Variants in ADPRHL1 observed in about 807,000 individuals in gnomAD.
The protein encoded by ADPRHL1 is inactive ADP-ribosyltransferase ARH2.
Under a neutral mutation model 44.1 loss-of-function variants are expected in ADPRHL1, and 43 were observed. That is an observed-to-expected ratio of 0.98 (90% confidence interval 0.76 to 1.26). The LOEUF is 1.26. Among genes scored for constraint, ADPRHL1 ranks in the 50% most tolerant of loss-of-function variants. The pLI, the probability that ADPRHL1 is intolerant of heterozygous loss-of-function variation, is 0.00. For synonymous variants in ADPRHL1, 878 were observed against 1,017.4 expected, an observed-to-expected ratio of 0.86 and a Z score of 2.61; for missense variants, 2,022 against 2,496.9, an observed-to-expected ratio of 0.81 and a Z score of 4.05.
At position 113,405,984 on chromosome 13, in the gene ADPRHL1, A is replaced by C. The variant is rs539114127; in HGVS notation, c.3298T>G (p.Leu1100Val). Residue 1100 changes from leucine to valine, a missense_variant, in exon 8 of 8, where the codon TTA becomes GTA. This residue lies in a region of ADPRHL1 where 1,221 missense variants were observed against 1,517.8 expected (regional missense o/e 0.80). Coordinates refer to ENST00000612156, the MANE Select transcript of ADPRHL1 (RefSeq NM_001394807.1). The stretch of plus-strand genomic sequence containing the variant: ...ATACCTGGTTTGGGTGGTTCATTTA[A>C]TGAGGACAGTGGGTTCTCGCGAACA... ...HDVRENPLSS[L>V]NEPPKPGMKA... The C allele has an allele frequency of 6.6e-4, 817 of 1,232,074 alleles. 6 individuals are homozygous for C. In the Middle Eastern group the frequency reaches 8.7e-3, roughly 13 times the overall value. The allele number at this position is 1,232,074 out of a possible 1,614,324, so 76.3% of individuals were successfully genotyped here. A position where few individuals can be genotyped will look rare whatever the true frequency, so the allele number is the denominator to read the frequency against.
chr13:113,406,141 C>T lies in ADPRHL1; in HGVS notation c.3141G>A (p.Lys1047=). ...TGACACCCTCAGGCCCCGTACGCCCCTTGGATGATGCCGCCAGTGACGTGG... is the reference window on the plus strand; with the variant it reads ...TGACACCCTCAGGCCCCGTACGCCCTTTGGATGATGCCGCCAGTGACGTGG... ...GAPTSLAASS[K]GRTGPEGVTP... The change falls in exon 8 of 8, where the codon AAG becomes AAA. Residue 1047 remains lysine (K), a synonymous_variant. Coordinates refer to ENST00000612156, the MANE Select transcript of ADPRHL1 (RefSeq NM_001394807.1). The T allele has an allele frequency of 1.6e-6, 2 of 1,232,150 alleles. No individual in the cohort carries two copies. The highest frequency in any genetic ancestry group is 2.0e-6 in the Non-Finnish European group (2 of 987,990). The allele number at this position is 1,232,150 out of a possible 1,614,324, so 76.3% of individuals were successfully genotyped here. A position where few individuals can be genotyped will look rare whatever the true frequency, so the allele number is the denominator to read the frequency against.
rs370454450 is a variant in ADPRHL1, at chr13:113,445,929, A to G, written c.215-1340T>C. Reference sequence around the variant, plus strand: ...ACCATGGCTGCAAACCCCTGGAGAGAGCACGCACGTGTAGGGACCATGGCT... The same window carrying G: ...ACCATGGCTGCAAACCCCTGGAGAGGGCACGCACGTGTAGGGACCATGGCT... On this transcript the variant is annotated intron_variant, in intron 1 of 7. Coordinates refer to ENST00000612156, the MANE Select transcript of ADPRHL1 (RefSeq NM_001394807.1). 1.4e-4 allele frequency among the ~76,000 whole-genome samples: 21 copies of G among 148,538 alleles called. No homozygotes were observed. The East Asian group carries it at 4.2e-3, about 30-fold the overall frequency.
At chr13:113,437,334 G>C (rs1324234264) in intron 2 of ADPRHL1, among the ~76,000 whole-genome samples, 1 of 141,648 alleles carries the variant, frequency 7.1e-6, no homozygotes, top group African/African-American at 2.6e-5. Flanking sequence ...CAGCACCCAG[G>C]TGTAGAGTGA....
In ADPRHL1 at chr13:113,402,392, C is replaced by T. The variant is rs1273904252; in HGVS notation, c.*986G>A. On this transcript the variant is annotated 3_prime_UTR_variant, in exon 8 of 8. Transcript: ENST00000612156. Reference sequence around the variant, plus strand: ...ATGTGACCACAGGTGGCTTTGATTTCCTTCTTGTGCCTCTAGACAGCATTC... The same window carrying T: ...ATGTGACCACAGGTGGCTTTGATTTTCTTCTTGTGCCTCTAGACAGCATTC... 6.6e-6 allele frequency: 1 copy of T among 152,282 alleles called. No homozygotes were observed. Among genetic ancestry groups the T allele is most frequent in the Non-Finnish European group, 1.5e-5 (1 of 68,066 alleles). The allele number at this position is 152,282 out of a possible 1,614,324, so 9.4% of individuals were successfully genotyped here.
chr13:113,422,565 G>A (rs985872614), intron 7 of ADPRHL1: 16 of 501,002 alleles, frequency 3.2e-5, no homozygotes, highest in East Asian at 2.8e-4. Flanking sequence ...TGAGTGCCAC[G>A]CATGGAGGTC....
chr13:113,407,109 A>T lies in ADPRHL1; in HGVS notation c.2173T>A (p.Ser725Thr). ...GVLPGLVPAS[S>T]PLGPASPWGT... The stretch of plus-strand genomic sequence containing the variant: ...CAAGGGCTGGCCGGTCCCAGTGGGG[A>T]TGATGCAGGCACAAGGCCAGGAAGG... The change falls in exon 8 of 8, where the codon TCC becomes ACC. Residue 725 changes from serine (S) to threonine (T), a missense_variant. Coordinates refer to ENST00000612156, the MANE Select transcript of ADPRHL1 (RefSeq NM_001394807.1). 8.1e-7 allele frequency: 1 copy of T among 1,232,168 alleles called. No homozygotes were observed. Among genetic ancestry groups the T allele is most frequent in the Non-Finnish European group, 1.0e-6 (1 of 988,066 alleles). The allele number at this position is 1,232,168 out of a possible 1,614,324, so 76.3% of individuals were successfully genotyped here. A position where few individuals can be genotyped will look rare whatever the true frequency, so the allele number is the denominator to read the frequency against.
intron 7 of ADPRHL1, among the ~76,000 whole-genome samples, chr13:113,419,609 G>C (rs961761340): frequency 1.3e-5 from 2 of 152,246 alleles, no homozygotes; most frequent in East Asian, 3.9e-4. Flanking sequence ...AGCAACACTG[G>C]AAGTCGCCAT....
Position 113,406,541 on chromosome 13 carries a change from G to T in ADPRHL1, c.2741C>A (p.Ala914Asp). The T allele has an allele frequency of 8.1e-7, 1 of 1,232,042 alleles. No homozygotes were observed. The highest frequency in any genetic ancestry group is 3.1e-4 in the Middle Eastern group (1 of 3,208). 76.3% of individuals were successfully genotyped at this position (1,232,042 alleles called of 1,614,324 possible). ...TGCCCGTGGCCCCTGCGGCGAAGAG[G>T]CGCTGAGTCCCGCCTGCATCCCTGA... ...KLSGMQAGLS[A>D]SSPQGPRAAP... is the part of the protein sequence containing the mutation. The change falls in exon 8 of 8, where the codon GCC (alanine) becomes GAC (aspartate). Residue 914 changes from alanine (A) to aspartate (D), a missense_variant. By Grantham distance (126) the Ala-to-Asp change is moderately radical. This residue lies in a region of ADPRHL1 where 1,221 missense variants were observed against 1,517.8 expected (regional missense o/e 0.80). Transcript: ENST00000612156.
intron 7 of ADPRHL1, among the ~76,000 whole-genome samples, chr13:113,414,525 A>AG (rs2043877565): frequency 6.6e-6 from 1 of 151,386 alleles, no homozygotes; most frequent in Non-Finnish European, 1.5e-5. Flanking sequence ...AGGGCACTAC[A>AG]GGCCTGTCTG....
rs550146408 is a variant in ADPRHL1, at chr13:113,407,348, G to A, written c.1934C>T (p.Ala645Val). 1.2e-5 allele frequency: 15 copies of A among 1,231,898 alleles called. No individual in the cohort carries two copies. In the African/African-American group the frequency reaches 2.0e-4, roughly 17 times the overall value. 76.3% of individuals were successfully genotyped at this position (1,231,898 alleles called of 1,614,324 possible). ...SHCTKISHSE[A>V]RRPPRGEASV... is the part of the protein sequence containing the mutation. ...GGCTTCTCCTCTGGGTGGACGCCTT[G>A]CCTCCGAGTGGCTGATTTTGGTGCA... The change falls in exon 8 of 8, where the codon GCA becomes GTA. Residue 645 changes from alanine to valine, a missense_variant. Transcript: ENST00000612156.
At chr13:113,413,572 C>G (rs2043871202) in intron 7 of ADPRHL1, among the ~76,000 whole-genome samples, 1 of 152,238 alleles carries the variant, frequency 6.6e-6, no homozygotes, top group Non-Finnish European at 1.5e-5. Flanking sequence ...AGGTGGGCCT[C>G]TCGCCCTTTC....
intron 3 of ADPRHL1, 113 bp from the exon 4 acceptor site, chr13:113,429,205 C>T: frequency 7.1e-7 from 1 of 1,402,872 alleles, no homozygotes; most frequent in Non-Finnish European, 9.7e-7. Context: ...CGTTTTCCGT[C>T]TTTCCCATGT....
chr13:113,446,652 G>T lies in ADPRHL1; in HGVS notation c.215-2063C>A, dbSNP rs1350549616. 3.9e-5 allele frequency among the ~76,000 whole-genome samples: 6 copies of T among 152,302 alleles called. No homozygotes were observed. In the East Asian group the frequency reaches 1.2e-3, roughly 29 times the overall value. ...CACACCTGGTGTCTACATGCGCAGTGTTGTATGTGCATGGTGTTGTCTACA... is the reference window on the plus strand; with the variant it reads ...CACACCTGGTGTCTACATGCGCAGTTTTGTATGTGCATGGTGTTGTCTACA... On this transcript the variant is annotated intron_variant, in intron 1 of 7. Coordinates refer to ENST00000612156, the MANE Select transcript of ADPRHL1 (RefSeq NM_001394807.1).
chr13:113,438,407 T>G (rs1227814215), intron 2 of ADPRHL1, among the ~76,000 whole-genome samples: 1 of 152,132 alleles, frequency 6.6e-6, no homozygotes. Flanking sequence ...TTAAAAAAAT[T>G]TTATAGTTGG....
chr13:113,429,433 G>A (rs1291409796), intron 3 of ADPRHL1, among the ~76,000 whole-genome samples: 1 of 152,222 alleles, frequency 6.6e-6, no homozygotes, highest in Non-Finnish European at 1.5e-5. Context: ...TTGTCCCTTT[G>A]TGGCGGGCGT....
intron 7 of ADPRHL1, among the ~76,000 whole-genome samples, chr13:113,416,280 T>A (rs1426145902): frequency 6.6e-6 from 1 of 152,068 alleles, no homozygotes; most frequent in African/African-American, 2.4e-5. Context: ...TGGGCTAGGA[T>A]ACCCCAAGGC....
At chr13:113,410,746 G>A (rs1438209930) in intron 7 of ADPRHL1, among the ~76,000 whole-genome samples, 2 of 152,204 alleles carry the variant, frequency 1.3e-5, no homozygotes, top group Non-Finnish European at 2.9e-5. Context: ...ACTGCGCCGT[G>A]GGGATGGGGA....
At chr13:113,433,934 T>C (rs775132271) in intron 2 of ADPRHL1, 67 bp from the exon 3 acceptor site, 1 of 1,458,704 alleles carries the variant, frequency 6.9e-7, no homozygotes, top group Non-Finnish European at 9.1e-7. Context: ...CAATCTAGCT[T>C]TCATGAATAA....
intron 2 of ADPRHL1, among the ~76,000 whole-genome samples, chr13:113,435,853 CCGG>C: frequency 8.3e-6 from 1 of 120,914 alleles, no homozygotes; most frequent in Non-Finnish European, 1.8e-5. Context: ...ACCCCGGGAC[CCGG>C]CACCCAGGTG....
Sources: allele counts gnomAD v4.1 joint callset (sites outside exome capture counted in the v4.1 genomes callset), GRCh38; gene constraint gnomAD v4.1.1; regional missense constraint gnomAD v4.1.1; transcripts MANE v1.5; gene names NCBI Gene and HGNC (gene_info 2026-07-23, HGNC 2026-07-21).